The following ANXA10 variants were observed in gnomAD, a reference collection of about 807,000 sequenced individuals.
The protein encoded by ANXA10 is annexin 14.
A neutral mutation model predicts 53.5 loss-of-function variants in ANXA10; 49 were observed. The observed-to-expected ratio is 0.92, with a 90% CI of 0.73 to 1.16. The LOEUF is 1.16. ANXA10 is among the 50% of genes most tolerant of loss of function. The probability of loss-of-function intolerance (pLI) is 0.00; values close to 1 mark genes in which losing one functional copy is unlikely to be tolerated. For missense variants in ANXA10, 393 were observed against 394.4 expected (o/e 1.00, Z 0.03); for synonymous variants, 131 against 128.9 (o/e 1.02, Z -0.11).
At chr4:168,175,633 C>T (rs1732113729) in intron 6 of ANXA10, among the ~76,000 whole-genome samples, 1 of 152,192 alleles carries the variant, frequency 6.6e-6, no homozygotes, top group Admixed American at 6.5e-5. Context: ...CACTCAATAA[C>T]ATTATTCACT....
At chr4:168,149,093 G>C (rs965314278) in intron 3 of ANXA10, among the ~76,000 whole-genome samples, 1 of 151,982 alleles carries the variant, frequency 6.6e-6, no homozygotes, top group East Asian at 1.9e-4. Context: ...TTTTAAGATA[G>C]TTTTCTTTAT....
At chr4:168,118,004 G>C (rs1486260026) in intron 1 of ANXA10, among the ~76,000 whole-genome samples, 1 of 115,970 alleles carries the variant, frequency 8.6e-6, no homozygotes, top group Non-Finnish European at 2.0e-5. Context: ...TCAATGGAAT[G>C]TGGGAGAATA....
chr4:168,116,476 C>A (rs1438000564), intron 1 of ANXA10, among the ~76,000 whole-genome samples: 3 of 152,116 alleles, frequency 2.0e-5, no homozygotes, highest in Non-Finnish European at 4.4e-5. Flanking sequence ...ACATTTATTT[C>A]AAGAAAAACA....
In ANXA10 at chr4:168,165,231, A is replaced by C. The variant is rs1174152248; in HGVS notation, c.401-16A>C. 2.0e-6 allele frequency: 3 copies of C among 1,487,196 alleles called. No homozygotes were observed. The Admixed American group carries it at 5.4e-5, about 27-fold the overall frequency. 92.1% of individuals were successfully genotyped at this position (1,487,196 alleles called of 1,614,324 possible). A position where few individuals can be genotyped will look rare whatever the true frequency, so the allele number is the denominator to read the frequency against. Reference sequence around the variant, plus strand: ...TTCTATAATAAATCATACCTTTAACATGTTTTCTTATACAGAATACAGCAA... The same window carrying C: ...TTCTATAATAAATCATACCTTTAACCTGTTTTCTTATACAGAATACAGCAA... On this transcript the variant is annotated splice_polypyrimidine_tract_variant and intron_variant, in intron 5 of 11. Coordinates refer to ENST00000359299, the MANE Select transcript of ANXA10 (RefSeq NM_007193.5).
intron 1 of ANXA10, among the ~76,000 whole-genome samples, chr4:168,124,975 C>T (rs1731044841): frequency 6.6e-6 from 1 of 152,114 alleles, no homozygotes; most frequent in Non-Finnish European, 1.5e-5. Context: ...TACATGAAAA[C>T]TATTGTGAGG....
At chr4:168,099,770 T>C (rs1730611797) in intron 1 of ANXA10, among the ~76,000 whole-genome samples, 1 of 152,142 alleles carries the variant, frequency 6.6e-6, no homozygotes, top group Non-Finnish European at 1.5e-5. Context: ...TTTTTAAATA[T>C]ATGATCCATA....
chr4:168,171,559 T>C (rs1235348092), intron 6 of ANXA10, among the ~76,000 whole-genome samples: 5 of 152,146 alleles, frequency 3.3e-5, no homozygotes, highest in African/African-American at 7.2e-5. Context: ...AATTGGAGCA[T>C]AGGAGCCTTA....
chr4:168,112,180 C>T (rs748088694), intron 1 of ANXA10, among the ~76,000 whole-genome samples: 21 of 152,150 alleles, frequency 1.4e-4, no homozygotes, highest in Admixed American at 6.5e-4. Context: ...CTTGTAGTCC[C>T]GGCTACTCAG....
intron 3 of ANXA10, among the ~76,000 whole-genome samples, chr4:168,152,935 A>G (rs72691183): frequency 0.033 from 5,020 of 151,910 alleles, 114 homozygotes; most frequent in Non-Finnish European, 0.049. Context: ...CCTCACCCTC[A>G]CGGGCTCAGG....
chr4:168,133,606 G>C (rs1338398728), intron 2 of ANXA10, among the ~76,000 whole-genome samples: 1 of 152,080 alleles, frequency 6.6e-6, no homozygotes, highest in Non-Finnish European at 1.5e-5. Context: ...CTATCTGGAA[G>C]TATAGTTTTC....
intron 6 of ANXA10, among the ~76,000 whole-genome samples, chr4:168,166,764 C>T (rs1033262402): frequency 5.9e-5 from 9 of 151,912 alleles, no homozygotes; most frequent in African/African-American, 1.9e-4. Flanking sequence ...AATTAGTAGT[C>T]ACCAAAGAAT....
chr4:168,157,461 T>C (rs568253997), intron 3 of ANXA10, among the ~76,000 whole-genome samples: 236 of 152,062 alleles, frequency 1.6e-3, no homozygotes, highest in African/African-American at 5.4e-3. Flanking sequence ...AGAGACAGGG[T>C]TTCAGCATCT....
At position 168,177,916 on chromosome 4, in the gene ANXA10, G is replaced by T. The variant is rs778666884; in HGVS notation, c.561G>T (p.Lys187Asn). 1 of 1,614,114 alleles carries T rather than the reference G, an allele frequency of 6.2e-7. No individual in the cohort carries two copies. Residue 187 changes from lysine to asparagine, a missense_variant, in exon 8 of 12, where the codon AAG becomes AAT. Physicochemically the swap from Lys to Asn is moderately conservative, Grantham distance 94. Coordinates refer to ENST00000359299, the MANE Select transcript of ANXA10 (RefSeq NM_007193.5). Reference protein sequence around the residue: ...AMVLWEACQQKTGEHKTMLQM... With the variant: ...AMVLWEACQQNTGEHKTMLQM... The stretch of plus-strand genomic sequence containing the variant: ...TCCTATGGGAAGCCTGTCAGCAGAA[G>T]ACGGGGGAGCACAAAACCATGCTGC...
intron 6 of ANXA10, among the ~76,000 whole-genome samples, chr4:168,166,018 C>T (rs759813148): frequency 3.3e-5 from 5 of 152,192 alleles, no homozygotes; most frequent in African/African-American, 4.8e-5. Context: ...ATGGGCTTAG[C>T]GCACACTAAC....
intron 2 of ANXA10, among the ~76,000 whole-genome samples, chr4:168,136,449 C>A (rs1731238523): frequency 6.6e-6 from 1 of 152,140 alleles, no homozygotes; most frequent in African/African-American, 2.4e-5. Context: ...CAGGTATTGG[C>A]TAAATACTCT....
intron 7 of ANXA10, 43 bp downstream of exon 7, chr4:168,177,836 T>C: frequency 6.2e-7 from 1 of 1,613,898 alleles, no homozygotes; most frequent in Middle Eastern, 1.7e-4. Context: ...AGAACCTGGG[T>C]TAAAATGGGC....
At chr4:168,122,277 T>G (rs943822571) in intron 1 of ANXA10, among the ~76,000 whole-genome samples, 17 of 152,200 alleles carry the variant, frequency 1.1e-4, no homozygotes, top group Non-Finnish European at 2.1e-4. Context: ...ATTAGAAATA[T>G]AAGGGTAATA....
intron 1 of ANXA10, among the ~76,000 whole-genome samples, chr4:168,093,822 G>T (rs1730500885): frequency 6.6e-6 from 1 of 152,056 alleles, no homozygotes; most frequent in African/African-American, 2.4e-5. Context: ...TGTTTCTTAA[G>T]ATAAATACTG....
chr4:168,174,728 A>T (rs1163896327), intron 6 of ANXA10, among the ~76,000 whole-genome samples: 3 of 152,230 alleles, frequency 2.0e-5, no homozygotes, highest in Admixed American at 2.0e-4. Flanking sequence ...AGGCCGAAGA[A>T]AAACGGAATC....
Sources: gnomAD v4.1 joint callset for allele counts (sites outside exome capture counted in the v4.1 genomes callset) on GRCh38, gnomAD v4.1.1 for gene constraint, MANE v1.5 for transcripts, NCBI Gene and HGNC (gene_info 2026-07-23, HGNC 2026-07-21) for gene names.